The following ARHGAP35 variants were observed in gnomAD, a reference collection of about 807,000 sequenced individuals.
The protein encoded by ARHGAP35 is rho GTPase-activating protein 35.
In ARHGAP35, 15 loss-of-function variants were observed where a neutral mutation model predicts 111.1. That is an observed-to-expected ratio of 0.13 (90% CI 0.09 to 0.21). The LOEUF (loss-of-function observed/expected upper bound fraction) is 0.21. Ranked by LOEUF, ARHGAP35 falls within the 10% of genes least tolerant of loss-of-function variation. The pLI, the probability that ARHGAP35 is intolerant of heterozygous loss-of-function variation, is 1.00. For missense variants in ARHGAP35, 1,262 were observed against 1,873.0 expected (o/e 0.67, Z 6.02); for synonymous variants, 643 against 710.3 (o/e 0.91, Z 1.51).
At position 46,872,425 on chromosome 19, in the gene ARHGAP35, G is replaced by GT. The variant is rs373370367; in HGVS notation, c.-189+11230dup. Among the ~76,000 whole-genome samples, 1,096 of 139,682 alleles carry GT rather than the reference G, an allele frequency of 7.8e-3. 8 individuals are homozygous for GT. The highest frequency in any genetic ancestry group is 8.8e-3 in the African/African-American group (338 of 38,234). The allele number at this position is 139,682 out of a possible 152,430, so 91.6% of individuals were successfully genotyped here. On this transcript the variant is annotated intron_variant, in intron 1 of 6. Coordinates refer to ENST00000672722, the MANE Select transcript of ARHGAP35 (RefSeq NM_004491.5). ...ATTCAGGGAAAAAAAGATTAAACAA[G>GT]TTTTTTTTTTTTTTGTAGTGTGGTT...
chr19:46,930,762 A>G (rs902390063), intron 2 of ARHGAP35, among the ~76,000 whole-genome samples: 9 of 151,678 alleles, frequency 5.9e-5, no homozygotes, highest in Admixed American at 1.3e-4. Context: ...CCATTGTTGC[A>G]TAGCTGGTAC....
At chr19:46,872,894 A>AT (rs2055895449) in intron 1 of ARHGAP35, among the ~76,000 whole-genome samples, 1 of 151,826 alleles carries the variant, frequency 6.6e-6, no homozygotes, top group South Asian at 2.1e-4. Flanking sequence ...AAAAAAAAAA[A>AT]ATTAATTACT....
Position 46,988,275 on chromosome 19 carries a change from C to A in ARHGAP35, c.3904+209C>A. ...AGTGAACCGAAGCACCATCCCTGCC[C>A]AAGCTGGGTCATGTAGGCCACTCCC... On this transcript the variant is annotated intron_variant, in intron 4 of 6. Transcript: ENST00000672722. This position sits in a 1 kb window ranked among gnomAD's most constrained non-coding sequence, Gnocchi z 5.4. The A allele has an allele frequency of 1.8e-6, 1 of 548,534 alleles. No homozygotes were observed. The highest frequency in any genetic ancestry group is 3.3e-6 in the Non-Finnish European group (1 of 303,842). 34.0% of individuals were successfully genotyped at this position (548,534 alleles called of 1,614,324 possible). A position where few individuals can be genotyped will look rare whatever the true frequency, so the allele number is the denominator to read the frequency against.
At chr19:46,870,966 T>A (rs2055884642) in intron 1 of ARHGAP35, among the ~76,000 whole-genome samples, 1 of 152,240 alleles carries the variant, frequency 6.6e-6, no homozygotes, top group Admixed American at 6.5e-5. Context: ...TTCCCTTTTC[T>A]ACATAGTTCT....
At chr19:46,892,009 G>C (rs1233524026) in intron 1 of ARHGAP35, among the ~76,000 whole-genome samples, 1 of 149,194 alleles carries the variant, frequency 6.7e-6, no homozygotes, top group Non-Finnish European at 1.5e-5. Flanking sequence ...GGTGTTGGCC[G>C]GGCACAGTGA....
chr19:46,948,267 G>C (rs1482904521), intron 3 of ARHGAP35: 1 of 152,188 alleles, frequency 6.6e-6, no homozygotes, highest in Admixed American at 6.5e-5. Flanking sequence ...GTGGGAGTTA[G>C]GAAACAAGAA....
rs1052669 is a variant in ARHGAP35, at chr19:47,003,512, C to T, written c.*2824C>T. 32,896 of 152,218 alleles carry T rather than the reference C, an allele frequency of 0.22. 3,911 individuals are homozygous for T. Among genetic ancestry groups the T allele is most frequent in the Non-Finnish European group, 0.28 (19,168 of 68,028 alleles). 9.4% of individuals were successfully genotyped at this position (152,218 alleles called of 1,614,324 possible). ...AGAGGGAAGACCCAAGGCTGGGTGGCGTGGCTCGTGAATCCACTTAGAATT... is the reference window on the plus strand; with the variant it reads ...AGAGGGAAGACCCAAGGCTGGGTGGTGTGGCTCGTGAATCCACTTAGAATT... On this transcript the variant is annotated 3_prime_UTR_variant, in exon 7 of 7. Coordinates refer to ENST00000672722, the MANE Select transcript of ARHGAP35 (RefSeq NM_004491.5).
chr19:46,862,830 C>T (rs994844345), intron 1 of ARHGAP35, among the ~76,000 whole-genome samples: 2 of 152,120 alleles, frequency 1.3e-5, no homozygotes, highest in Non-Finnish European at 2.9e-5. Flanking sequence ...CAGCCCTCAC[C>T]CTTCACTCTG....
rs768129610 is a variant in ARHGAP35, at chr19:47,000,515, G to A, written c.4327G>A (p.Glu1443Lys). 75 of 1,613,058 alleles carry A rather than the reference G, an allele frequency of 4.6e-5. No individual in the cohort carries two copies. The highest frequency in any genetic ancestry group is 6.3e-5 in the Non-Finnish European group (74 of 1,179,802). Residue 1443 changes from glutamate (E) to lysine (K), a missense_variant, in exon 7 of 7, where the codon GAG becomes AAG. Around this residue, in one of 8 missense-constraint regions of ARHGAP35, gnomAD observed 75 missense variants for 87.0 expected, o/e 0.86. Transcript: ENST00000672722. The surrounding 1 kb of genome is among the most constrained non-coding windows in gnomAD (Gnocchi z 6.9). ...PFFFYNRPIT[E>K]PPGARPSSPS... is the part of the protein sequence containing the mutation. ...CTTCTTCTACAATCGGCCCATCACCGAGCCCCCCGGCGCCAGGCCCAGCTC... is the reference window on the plus strand; with the variant it reads ...CTTCTTCTACAATCGGCCCATCACCAAGCCCCCCGGCGCCAGGCCCAGCTC...
chr19:47,003,406 C>T lies in ARHGAP35; in HGVS notation c.*2718C>T, dbSNP rs989804756. The T allele has an allele frequency of 3.9e-5, 6 of 152,300 alleles. No homozygotes were observed. Among genetic ancestry groups the T allele is most frequent in the African/African-American group, 1.2e-4 (5 of 41,450 alleles). The allele number at this position is 152,300 out of a possible 1,614,324, so 9.4% of individuals were successfully genotyped here. A position where few individuals can be genotyped will look rare whatever the true frequency, so the allele number is the denominator to read the frequency against. ...GGGGACGTGGGGCAGCCACCCCTGC[C>T]CAGCGAGAGCGCAGACACCGTGTGA... is the stretch of plus-strand genomic sequence containing the variant. On this transcript the variant is annotated 3_prime_UTR_variant, in exon 7 of 7. Transcript: ENST00000672722.
intron 3 of ARHGAP35, among the ~76,000 whole-genome samples, chr19:46,952,836 G>A (rs905864963): frequency 4.6e-5 from 7 of 152,090 alleles, no homozygotes; most frequent in Non-Finnish European, 1.0e-4. Flanking sequence ...GTGCCACCAC[G>A]CCCAGCAGTT....
intron 1 of ARHGAP35, among the ~76,000 whole-genome samples, chr19:46,906,996 A>G (rs954023943): frequency 6.6e-6 from 1 of 152,114 alleles, no homozygotes; most frequent in African/African-American, 2.4e-5. Flanking sequence ...GGCTGAGGTG[A>G]GAGGATCACT....
chr19:46,862,910 T>C (rs1164175956), intron 1 of ARHGAP35, among the ~76,000 whole-genome samples: 1 of 152,212 alleles, frequency 6.6e-6, no homozygotes, highest in Non-Finnish European at 1.5e-5. Flanking sequence ...ATTGTGACAT[T>C]ACGATGTCTT....
At chr19:46,964,213 T>C (rs1027867130) in intron 3 of ARHGAP35, among the ~76,000 whole-genome samples, 1 of 152,110 alleles carries the variant, frequency 6.6e-6, no homozygotes, top group Non-Finnish European at 1.5e-5. Flanking sequence ...ATTATAAATT[T>C]AAATTTAAAT....
At chr19:46,977,665 G>A (rs2056586816) in intron 3 of ARHGAP35, among the ~76,000 whole-genome samples, 1 of 152,188 alleles carries the variant, frequency 6.6e-6, no homozygotes, top group South Asian at 2.1e-4. Flanking sequence ...GCTATCCAGC[G>A]ACTTTCACAT....
Position 46,986,381 on chromosome 19 carries a change from CT to C in ARHGAP35, c.3827-1601del, listed in dbSNP as rs34630816. On this transcript the variant is annotated intron_variant, in intron 3 of 6. Transcript: ENST00000672722. The surrounding 1 kb of genome is among the most constrained non-coding windows in gnomAD (Gnocchi z 4.3). ...TTACGTATTTAATTGACTTTTACTA[CT>C]TTTTTTCTTGTATCACACTATACAC... is the stretch of plus-strand genomic sequence containing the variant. Among the ~76,000 whole-genome samples the C allele has an allele frequency of 1.3e-5, 2 of 152,094 alleles. No homozygotes were observed. Among genetic ancestry groups the C allele is most frequent in the Admixed American group, 6.6e-5 (1 of 15,256 alleles).
rs142678414 is a variant in ARHGAP35, at chr19:46,984,831, G to A, written c.3827-3158G>A. 3.0e-3 allele frequency among the ~76,000 whole-genome samples: 460 copies of A among 152,276 alleles called. 2 individuals are homozygous for A. The highest frequency in any genetic ancestry group is 0.01 in the African/African-American group (432 of 41,540). Reference sequence around the variant, plus strand: ...TTGCCAGATCGCTAATTTGCAGTTCGTCTCCTGCCCTCTCATGCCGGGGCC... The same window carrying A: ...TTGCCAGATCGCTAATTTGCAGTTCATCTCCTGCCCTCTCATGCCGGGGCC... On this transcript the variant is annotated intron_variant, in intron 3 of 6. Transcript: ENST00000672722.
In ARHGAP35 at chr19:46,916,028, G is replaced by A. The variant is rs1432522956; in HGVS notation, c.-188-2460G>A. Among the ~76,000 whole-genome samples, 8 of 149,120 alleles carry A rather than the reference G, an allele frequency of 5.4e-5. No homozygotes were observed. In the South Asian group the frequency reaches 6.3e-4, roughly 12 times the overall value. On this transcript the variant is annotated intron_variant, in intron 1 of 6. Transcript: ENST00000672722. ...CGGCTCACTGCAAGCTCCACCTCCC[G>A]GGTTCACTCCATTCTCCTGTCTCAG...
intron 3 of ARHGAP35, among the ~76,000 whole-genome samples, chr19:46,953,753 T>C (rs1238588502): frequency 6.6e-6 from 1 of 152,192 alleles, no homozygotes; most frequent in East Asian, 1.9e-4. Flanking sequence ...CAGCCCAGGT[T>C]GGAGCCCAGC....
Sources: gnomAD v4.1 joint callset for allele counts (sites outside exome capture counted in the v4.1 genomes callset) on GRCh38, gnomAD v4.1.1 for gene constraint, gnomAD v4.1.1 regional missense constraint, Gnocchi (gnomAD v3.1) non-coding constraint, MANE v1.5 for transcripts, NCBI Gene and HGNC (gene_info 2026-07-23, HGNC 2026-07-21) for gene names.